The following CDH23 variants were observed in gnomAD, a reference collection of about 807,000 sequenced individuals.
The protein encoded by CDH23 is cadherin related 23, also known as cadherin-23.
CDH23 carries 189 observed loss-of-function variants against 317.1 expected under a neutral mutation model. The observed-to-expected ratio is 0.60, with a 90% CI of 0.53 to 0.67. CDH23 has a LOEUF of 0.67. Among genes scored for constraint, CDH23 ranks in the 30% least tolerant of loss-of-function variants. CDH23 has a pLI of 0.00. For missense variants in CDH23, 4,401 were observed against 4,592.4 expected (o/e 0.96, Z 1.20); for synonymous variants, 1,839 against 1,876.8 (o/e 0.98, Z 0.52).
At chr10:71,614,603 G>A (rs1260325859) in intron 9 of CDH23, among the ~76,000 whole-genome samples, 2 of 152,212 alleles carry the variant, frequency 1.3e-5, no homozygotes, top group African/African-American at 2.4e-5. Flanking sequence ...ATCAACTGGG[G>A]AACAGTTAGT....
chr10:71,539,024 G>A (rs1855852010), intron 6 of CDH23, among the ~76,000 whole-genome samples: 1 of 152,218 alleles, frequency 6.6e-6, no homozygotes, highest in Non-Finnish European at 1.5e-5. Context: ...CTGTATCCAG[G>A]GAACCTGGGG....
intron 38 of CDH23, among the ~76,000 whole-genome samples, chr10:71,767,337 G>C (rs1840574734): frequency 6.6e-6 from 1 of 152,228 alleles, no homozygotes; most frequent in Non-Finnish European, 1.5e-5. Flanking sequence ...CCTAGCCTTT[G>C]GAGGTGGGAC....
chr10:71,752,207 T>G, intron 38 of CDH23: 1 of 425,434 alleles, frequency 2.4e-6, no homozygotes, highest in Non-Finnish European at 4.5e-6. Flanking sequence ...CTTTGGTCAA[T>G]AGAGTTGATG....
rs111033528 is a variant in CDH23, at chr10:71,704,967, G to A, written c.2790G>A (p.Pro930=). The change falls in exon 25 of 70, where the codon CCG becomes CCA. Residue 930 remains proline, a synonymous_variant. Coordinates refer to ENST00000224721, the MANE Select transcript of CDH23 (RefSeq NM_022124.6). ...ACGGCCTGGTGTCCTACCGCATGCC[G>A]GTGGGCATGCCCCGCATGGACTTCC... ...GLNGLVSYRM[P]VGMPRMDFLI... is the part of the protein sequence containing the mutation. The A allele has an allele frequency of 2.0e-5, 33 of 1,612,852 alleles. No homozygotes were observed. The highest frequency in any genetic ancestry group is 3.3e-4 in the Middle Eastern group (2 of 6,062).
intron 3 of CDH23, among the ~76,000 whole-genome samples, chr10:71,480,342 G>T (rs1306654647): frequency 6.6e-6 from 1 of 152,260 alleles, no homozygotes; most frequent in East Asian, 1.9e-4. Flanking sequence ...TATTCAACAA[G>T]CACTTAAGCC....
chr10:71,566,662 G>A, intron 6 of CDH23, 80 bp from the exon 7 acceptor site: 6 of 1,297,210 alleles, frequency 4.6e-6, no homozygotes, highest in Non-Finnish European at 5.1e-6. Flanking sequence ...TGTAGAGAAT[G>A]GGCTTTGAGG....
At chr10:71,454,330 G>C (rs1188767917) in intron 3 of CDH23, among the ~76,000 whole-genome samples, 1 of 152,190 alleles carries the variant, frequency 6.6e-6, no homozygotes, top group Non-Finnish European at 1.5e-5. Context: ...AGAAATCCAA[G>C]CTGTAATTTA....
At chr10:71,660,562 C>G (rs1468745085) in intron 14 of CDH23, among the ~76,000 whole-genome samples, 1 of 152,178 alleles carries the variant, frequency 6.6e-6, no homozygotes, top group South Asian at 2.1e-4. Flanking sequence ...TTAAGGATAC[C>G]TCCTGGAAGT....
intron 47 of CDH23, among the ~76,000 whole-genome samples, chr10:71,792,859 A>G (rs867593067): frequency 1.3e-4 from 12 of 93,052 alleles, no homozygotes; most frequent in Admixed American, 3.2e-4. Context: ...AAAAATATAT[A>G]TATATATATA....
At chr10:71,399,192 C>T (rs556802968) in intron 1 of CDH23, among the ~76,000 whole-genome samples, 25 of 152,352 alleles carry the variant, frequency 1.6e-4, no homozygotes, top group African/African-American at 3.1e-4. Context: ...GAAGGTGTAG[C>T]GGAACCTTGC....
At chr10:71,649,644 C>A (rs1330477865) in intron 14 of CDH23, among the ~76,000 whole-genome samples, 1 of 152,294 alleles carries the variant, frequency 6.6e-6, no homozygotes, top group East Asian at 1.9e-4. Context: ...AGTGGGGACA[C>A]CCTCATGCAC....
intron 6 of CDH23, among the ~76,000 whole-genome samples, chr10:71,553,885 TGATCCCCAGAGG>T (rs1313192588): frequency 6.6e-6 from 1 of 152,172 alleles, no homozygotes; most frequent in Non-Finnish European, 1.5e-5. Context: ...GGGAGACATA[TGATCCCCAGAGG>T]GTTCCCTGGG....
Position 71,811,786 on chromosome 10 carries a change from G to A in CDH23, c.9319+33G>A, listed in dbSNP as rs566255149. ...AGGGCCATAGTGGGGACACAGGTGA[G>A]AAGGCAGTGGGCTGGGGACCTGGAG... On this transcript the variant is annotated intron_variant, in intron 65 of 69. Coordinates refer to ENST00000224721, the MANE Select transcript of CDH23 (RefSeq NM_022124.6). The A allele has an allele frequency of 4.5e-6, 7 of 1,560,084 alleles. No individual in the cohort carries two copies. The African/African-American group carries it at 5.5e-5, about 12-fold the overall frequency.
chr10:71,413,773 A>T (rs527502454), intron 1 of CDH23, among the ~76,000 whole-genome samples: 3 of 151,992 alleles, frequency 2.0e-5, no homozygotes, highest in Admixed American at 6.6e-5. Context: ...GCTCAAGTTG[A>T]TCCTCTTGCT....
intron 35 of CDH23, among the ~76,000 whole-genome samples, chr10:71,738,949 A>T (rs1169154200): frequency 6.6e-6 from 1 of 152,200 alleles, no homozygotes; most frequent in East Asian, 1.9e-4. Context: ...CCCTGAGAGG[A>T]CATGCTCGTC....
Position 71,577,966 on chromosome 10 carries a change from G to A in CDH23, c.806G>A (p.Arg269Gln), listed in dbSNP as rs1235821368. The A allele has an allele frequency of 5.6e-6, 9 of 1,603,940 alleles. No homozygotes were observed. The highest frequency in any genetic ancestry group is 2.3e-5 in the East Asian group (1 of 44,438). Reference sequence around the variant, plus strand: ...ATAGACCAGGATAAAGGACGTCCCCGGGGCATTGGCTACACCATCGTTTCA... The same window carrying A: ...ATAGACCAGGATAAAGGACGTCCCCAGGGCATTGGCTACACCATCGTTTCA... ...TAIDQDKGRP[R>Q]GIGYTIVSGN... The change falls in exon 9 of 70, where the codon CGG becomes CAG. Residue 269 changes from arginine (R) to glutamine (Q), a missense_variant. Transcript: ENST00000224721.
At chr10:71,524,938 CA>C (rs1175737762) in intron 6 of CDH23, among the ~76,000 whole-genome samples, 1 of 152,254 alleles carries the variant, frequency 6.6e-6, no homozygotes, top group Non-Finnish European at 1.5e-5. Context: ...TTTTCTGAGA[CA>C]GAGTCTTACT....
At chr10:71,532,711 G>GTTTGTTTTTTTTTTTTT in intron 6 of CDH23, among the ~76,000 whole-genome samples, 1 of 128,100 alleles carries the variant, frequency 7.8e-6, no homozygotes, top group Non-Finnish European at 1.8e-5. Context: ...TTTTGTTTTT[G>GTTTGTTTTTTTTTTTTT]TTTTTTTTTT....
rs769954730 is a variant in CDH23 at position 71,791,291 on chromosome 10, G to A, written c.6209G>A (p.Ser2070Asn). The A allele has an allele frequency of 1.2e-6, 2 of 1,613,868 alleles. No individual in the cohort carries two copies. The highest frequency in any genetic ancestry group is 1.7e-6 in the Non-Finnish European group (2 of 1,179,866). Residue 2070 changes from serine to asparagine, a missense_variant, in exon 47 of 70, where the codon AGC (serine) becomes AAC (asparagine). Physicochemically the swap from Ser to Asn is conservative, Grantham distance 46. This residue lies in a region of CDH23 where 3,068 missense variants were observed against 3,203.3 expected (regional missense o/e 0.96). Transcript: ENST00000224721. ...GACAATGACAACCGGCCCACCTTTAGCCCTGCCACCCTCACTGTCCATCTG... is the reference window on the plus strand; with the variant it reads ...GACAATGACAACCGGCCCACCTTTAACCCTGCCACCCTCACTGTCCATCTG... ...LDDNDNRPTF[S>N]PATLTVHLLE... is the part of the protein sequence containing the mutation.
Sources: gnomAD v4.1 joint callset for allele counts (sites outside exome capture counted in the v4.1 genomes callset) on GRCh38, gnomAD v4.1.1 for gene constraint, gnomAD v4.1.1 regional missense constraint, MANE v1.5 for transcripts, NCBI Gene and HGNC (gene_info 2026-07-23, HGNC 2026-07-21) for gene names.